The following CNNM2 variants were observed in gnomAD, a reference collection of about 807,000 sequenced individuals.
CNNM2 encodes metal transporter CNNM2.
In CNNM2, 12 loss-of-function variants were observed where a neutral mutation model predicts 66.9. The ratio of observed to expected loss-of-function variants is 0.18; its 90% CI spans 0.11 to 0.29. The LOEUF (loss-of-function observed/expected upper bound fraction) is 0.29. CNNM2 is among the 10% of genes least tolerant of loss of function. The pLI, the probability that CNNM2 is intolerant of heterozygous loss-of-function variation, is 1.00. For missense variants in CNNM2, 705 were observed against 1,167.7 expected (o/e 0.60, Z 5.77); for synonymous variants, 557 against 501.8 (o/e 1.11, Z -1.47).
chr10:102,963,914 T>C (rs1232758669), intron 1 of CNNM2, among the ~76,000 whole-genome samples: 1 of 152,228 alleles, frequency 6.6e-6, no homozygotes, highest in Non-Finnish European at 1.5e-5. Flanking sequence ...AATCGTGTTT[T>C]CTGAGTTTTC....
intron 1 of CNNM2, among the ~76,000 whole-genome samples, chr10:103,009,736 A>G (rs1263257055): frequency 2.0e-5 from 3 of 150,764 alleles, no homozygotes; most frequent in East Asian, 3.9e-4. Flanking sequence ...GGTGGGAGAT[A>G]TTGAAAATCA....
At chr10:102,989,636 C>T (rs957952085) in intron 1 of CNNM2, among the ~76,000 whole-genome samples, 2 of 152,030 alleles carry the variant, frequency 1.3e-5, no homozygotes, top group South Asian at 4.2e-4. Context: ...AACCCGATCT[C>T]TACTAAAAAT....
At chr10:102,960,550 A>G (rs1297301033) in intron 1 of CNNM2, among the ~76,000 whole-genome samples, 1 of 152,152 alleles carries the variant, frequency 6.6e-6, no homozygotes, top group African/African-American at 2.4e-5. Context: ...ATTTATTTTT[A>G]ACATAATTGA....
At chr10:102,988,848 C>T (rs2134239578) in intron 1 of CNNM2, among the ~76,000 whole-genome samples, 1 of 152,316 alleles carries the variant, frequency 6.6e-6, no homozygotes, top group Non-Finnish European at 1.5e-5. Context: ...GGAAGTGAGG[C>T]TTAATGGCTT....
rs1207190988 is a variant in CNNM2 at position 103,049,973 on chromosome 10, C to T, written c.1765+123C>T. On this transcript the variant is annotated intron_variant, in intron 2 of 7. Transcript: ENST00000369878. ...TATAATGACACATGATGTGTGTAGGCCGTGCACAACCTGTTGGTATATTCC... is the reference window on the plus strand; with the variant it reads ...TATAATGACACATGATGTGTGTAGGTCGTGCACAACCTGTTGGTATATTCC... 7 of 843,516 alleles carry T rather than the reference C, an allele frequency of 8.3e-6. No homozygotes were observed. The South Asian group carries it at 1.1e-4, about 13-fold the overall frequency. 52.3% of individuals were successfully genotyped at this position (843,516 alleles called of 1,614,324 possible).
intron 1 of CNNM2, among the ~76,000 whole-genome samples, chr10:103,036,002 G>A (rs922037075): frequency 1.3e-5 from 2 of 152,124 alleles, no homozygotes; most frequent in Non-Finnish European, 2.9e-5. Flanking sequence ...AGCTGTCTTG[G>A]CTTTGGGAAA....
chr10:103,065,633 G>C (rs1161659474), intron 4 of CNNM2, among the ~76,000 whole-genome samples: 2 of 152,154 alleles, frequency 1.3e-5, no homozygotes, highest in African/African-American at 4.8e-5. Flanking sequence ...AAATGCTCCA[G>C]ATAACTGGAG....
At position 103,090,021 on chromosome 10, in the gene CNNM2, C is replaced by G. The variant is rs1286411231; in HGVS notation, c.*12841C>G. ...CCATGCAATTACATCTATAATGGAC[C>G]ACAGGACAAGTCAATATAGACTTAT... is the stretch of plus-strand genomic sequence containing the variant. On this transcript the variant is annotated 3_prime_UTR_variant, in exon 8 of 8. Coordinates refer to ENST00000369878, the MANE Select transcript of CNNM2 (RefSeq NM_017649.5). The G allele has an allele frequency of 4.0e-6, 3 of 742,514 alleles. No individual in the cohort carries two copies. Among genetic ancestry groups the G allele is most frequent in the Non-Finnish European group, 6.4e-6 (3 of 470,804 alleles). 46.0% of individuals were successfully genotyped at this position (742,514 alleles called of 1,614,324 possible). A position where few individuals can be genotyped will look rare whatever the true frequency, so the allele number is the denominator to read the frequency against.
chr10:103,033,672 G>A (rs575884113), intron 1 of CNNM2, among the ~76,000 whole-genome samples: 3 of 152,032 alleles, frequency 2.0e-5, no homozygotes, highest in Non-Finnish European at 4.4e-5. Flanking sequence ...GGTTGGTAGA[G>A]ATGGGGGTTT....
intron 1 of CNNM2, among the ~76,000 whole-genome samples, chr10:102,992,959 C>T (rs1179121832): frequency 1.3e-5 from 2 of 152,114 alleles, no homozygotes; most frequent in African/African-American, 4.8e-5. Context: ...ATGTGTAGGT[C>T]AGTTTATCAT....
chr10:102,920,213 T>A (rs117090834), intron 1 of CNNM2, 112 bp downstream of exon 1: 82 of 1,603,426 alleles, frequency 5.1e-5, no homozygotes, highest in Non-Finnish European at 6.4e-5. Flanking sequence ...CCGGGATTTC[T>A]CCTTCTCCCT....
chr10:102,939,675 A>G (rs1028445738), intron 1 of CNNM2, among the ~76,000 whole-genome samples: 3 of 152,148 alleles, frequency 2.0e-5, no homozygotes, highest in African/African-American at 7.2e-5. Flanking sequence ...GCATGTATTT[A>G]GCATCATAAT....
intron 1 of CNNM2, among the ~76,000 whole-genome samples, chr10:102,942,657 G>A (rs1590284371): frequency 6.6e-6 from 1 of 152,146 alleles, no homozygotes; most frequent in African/African-American, 2.4e-5. Flanking sequence ...CCTGCTTTGA[G>A]TTCTTTTGGA....
rs772863994 is a variant in CNNM2 at position 103,054,414 on chromosome 10, G to A, written c.1851G>A (p.Lys617=). 4 of 1,613,860 alleles carry A rather than the reference G, an allele frequency of 2.5e-6. No homozygotes were observed. The Admixed American group carries it at 5.0e-5, about 20-fold the overall frequency. Reference sequence around the variant, plus strand: ...TTAAGCAGACAGACAGTGAGATGAAGGTTAAAATATCACCACAGCTCCTCC... The same window carrying A: ...TTAAGCAGACAGACAGTGAGATGAAAGTTAAAATATCACCACAGCTCCTCC... The part of the protein sequence containing the change: ...SAFKQTDSEM[K]VKISPQLLLA... Residue 617 remains lysine (K), a synonymous_variant, in exon 3 of 8, where the codon AAG becomes AAA. Transcript: ENST00000369878. The surrounding 1 kb of genome is among the most constrained non-coding windows in gnomAD (Gnocchi z 5.2).
Position 103,084,753 on chromosome 10 carries a change from G to T in CNNM2, c.*7573G>T, listed in dbSNP as rs188205140. On this transcript the variant is annotated 3_prime_UTR_variant, in exon 8 of 8. Coordinates refer to ENST00000369878, the MANE Select transcript of CNNM2 (RefSeq NM_017649.5). ...TTTCACAAAAATTGTGCTCCCTAGA[G>T]CCGTTTTTCAACTCGGCACTTCTGA... 3.3e-5 allele frequency: 5 copies of T among 152,234 alleles called. No homozygotes were observed. Among genetic ancestry groups the T allele is most frequent in the Admixed American group, 2.6e-4 (4 of 15,292 alleles). The allele number at this position is 152,234 out of a possible 1,614,324, so 9.4% of individuals were successfully genotyped here. A position where few individuals can be genotyped will look rare whatever the true frequency, so the allele number is the denominator to read the frequency against.
chr10:102,945,146 C>G (rs1846569352), intron 1 of CNNM2, among the ~76,000 whole-genome samples: 1 of 152,136 alleles, frequency 6.6e-6, no homozygotes, highest in South Asian at 2.1e-4. Flanking sequence ...AAGTATGACT[C>G]TGCAAAGCCT....
In CNNM2 at chr10:102,920,070, G is replaced by C. The variant is rs1343079665; in HGVS notation, c.1590G>C (p.Lys530Asn). ...TGCACTTTGTTTTCAATGACACCAA[G>C]TTGGACGCTATGCTGGAAGAATTTA... ...HPLHFVFNDT[K>N]LDAMLEEFKK... is the part of the protein sequence containing the mutation. Residue 530 changes from lysine to asparagine, a missense_variant, in exon 1 of 8, where the codon AAG becomes AAC. Around this residue, in one of 9 missense-constraint regions of CNNM2, gnomAD observed 171 missense variants for 304.8 expected, o/e 0.56. Transcript: ENST00000369878. 1 of 1,614,070 alleles carries C rather than the reference G, an allele frequency of 6.2e-7. No individual in the cohort carries two copies. Among genetic ancestry groups the C allele is most frequent in the African/African-American group, 1.3e-5 (1 of 74,916 alleles).
intron 1 of CNNM2, among the ~76,000 whole-genome samples, chr10:102,948,675 G>A (rs998722528): frequency 1.3e-5 from 2 of 152,160 alleles, no homozygotes; most frequent in African/African-American, 4.8e-5. Flanking sequence ...GACATTATTA[G>A]AGTTGCATTT....
At position 102,938,452 on chromosome 10, in the gene CNNM2, G is replaced by A. The variant is rs11191467; in HGVS notation, c.1621+18351G>A. Among the ~76,000 whole-genome samples the A allele has an allele frequency of 0.33, 45,980 of 140,700 alleles. 7,246 individuals carry two copies. The highest frequency in any genetic ancestry group is 0.39 in the Middle Eastern group (108 of 276). 92.3% of individuals were successfully genotyped at this position (140,700 alleles called of 152,430 possible). On this transcript the variant is annotated intron_variant, in intron 1 of 7. Transcript: ENST00000369878. Reference sequence around the variant, plus strand: ...GAGCAACGCTCTGTCTCAAAAAATGGAAAAAAAAAAAGAAAAAATTAGCTG... The same window carrying A: ...GAGCAACGCTCTGTCTCAAAAAATGAAAAAAAAAAAAGAAAAAATTAGCTG...
Sources: allele counts gnomAD v4.1 joint callset (sites outside exome capture counted in the v4.1 genomes callset), GRCh38; gene constraint gnomAD v4.1.1; regional missense constraint gnomAD v4.1.1; non-coding constraint Gnocchi (gnomAD v3.1); transcripts MANE v1.5; gene names NCBI Gene and HGNC (gene_info 2026-07-23, HGNC 2026-07-21).